Variants in RMND5A observed in about 807,000 individuals in gnomAD.
The protein encoded by RMND5A is required for meiotic nuclear division 5 homolog A, also known as E3 ubiquitin-protein transferase RMND5A.
Under a neutral mutation model 49.7 loss-of-function variants are expected in RMND5A, and 17 were observed. The observed-to-expected ratio is 0.34, with a 90% CI of 0.23 to 0.51. RMND5A has a LOEUF of 0.51. Ranked by LOEUF, RMND5A falls within the 20% of genes least tolerant of loss-of-function variation. RMND5A has a pLI of 0.96. For missense variants in RMND5A, 255 were observed against 471.3 expected (o/e 0.54, Z 4.25); for synonymous variants, 156 against 167.7 (o/e 0.93, Z 0.54).
chr2:86,744,889 CT>C (rs1275597265), intron 2 of RMND5A, among the ~76,000 whole-genome samples: 3 of 152,046 alleles, frequency 2.0e-5, no homozygotes, highest in African/African-American at 7.3e-5. Flanking sequence ...GAGATGTGGT[CT>C]TGCAGTGTTG....
chr2:86,756,205 A>C (rs1681736413), intron 4 of RMND5A, among the ~76,000 whole-genome samples: 1 of 152,018 alleles, frequency 6.6e-6, no homozygotes, highest in Admixed American at 6.6e-5. Context: ...CAGCCTGGGC[A>C]ACATAGCAAA....
At chr2:86,743,201 G>T (rs905878642) in intron 2 of RMND5A, among the ~76,000 whole-genome samples, 1 of 152,092 alleles carries the variant, frequency 6.6e-6, no homozygotes, top group African/African-American at 2.4e-5. Flanking sequence ...ACATTATCTG[G>T]ATGTACTTGG....
intron 2 of RMND5A, among the ~76,000 whole-genome samples, chr2:86,748,667 A>G (rs1278364613): frequency 2.6e-5 from 4 of 152,204 alleles, no homozygotes; most frequent in African/African-American, 9.7e-5. Context: ...TTTAATATGT[A>G]TATTAAGGAA....
chr2:86,725,355 C>A (rs557869105), intron 1 of RMND5A, among the ~76,000 whole-genome samples: 8 of 143,936 alleles, frequency 5.6e-5, no homozygotes, highest in African/African-American at 2.1e-4. Context: ...TGGTTGCCCA[C>A]TTCACAGACA....
chr2:86,760,136 C>G (rs1025734531), intron 4 of RMND5A, among the ~76,000 whole-genome samples: 1 of 152,080 alleles, frequency 6.6e-6, no homozygotes, highest in African/African-American at 2.4e-5. Context: ...CCTCTGCCTC[C>G]CGAGTTCAAG....
chr2:86,763,727 G>A (rs907184801), intron 4 of RMND5A, among the ~76,000 whole-genome samples: 10 of 151,896 alleles, frequency 6.6e-5, no homozygotes, highest in African/African-American at 2.4e-4. Flanking sequence ...AGTGAGCCAC[G>A]ATTACACTAC....
At chr2:86,741,739 T>C (rs1292447023) in intron 2 of RMND5A, among the ~76,000 whole-genome samples, 1 of 151,294 alleles carries the variant, frequency 6.6e-6, no homozygotes, top group African/African-American at 2.4e-5. Flanking sequence ...AGAGAAGTAG[T>C]TCAAGGTTAC....
chr2:86,762,599 C>G (rs1475754962), intron 4 of RMND5A, among the ~76,000 whole-genome samples: 1 of 150,238 alleles, frequency 6.7e-6, no homozygotes, highest in African/African-American at 2.5e-5. Flanking sequence ...GAGCTGAGAT[C>G]TTGCCACTGC....
intron 4 of RMND5A, among the ~76,000 whole-genome samples, chr2:86,764,590 G>A (rs2104407548): frequency 6.6e-6 from 1 of 152,336 alleles, no homozygotes; most frequent in Non-Finnish European, 1.5e-5. Context: ...TAATCACAAA[G>A]TGAACAAAAT....
chr2:86,743,568 G>A (rs748267348), intron 2 of RMND5A, among the ~76,000 whole-genome samples: 1 of 151,896 alleles, frequency 6.6e-6, no homozygotes, highest in African/African-American at 2.4e-5. Flanking sequence ...AGGTTCAAGC[G>A]ATTCTCCTGC....
rs1400728763 is a variant in RMND5A, at chr2:86,776,494, C to G, written c.*3083C>G. ...TTTGTGGGAAATGAGGATCCTGATC[C>G]TCTTTTGTCCTCTCCAGGTAGTCTC... On this transcript the variant is annotated 3_prime_UTR_variant, in exon 9 of 9. Transcript: ENST00000283632. 6.6e-6 allele frequency: 1 copy of G among 152,192 alleles called. No homozygotes were observed. The highest frequency in any genetic ancestry group is 1.5e-5 in the Non-Finnish European group (1 of 68,030). The allele number at this position is 152,192 out of a possible 1,614,324, so 9.4% of individuals were successfully genotyped here.
At chr2:86,732,569 G>GT (rs1681350178) in intron 1 of RMND5A, among the ~76,000 whole-genome samples, 1 of 148,212 alleles carries the variant, frequency 6.7e-6, no homozygotes, top group African/African-American at 2.6e-5. Context: ...TGTAACCAAG[G>GT]TATTAGTAGG....
intron 2 of RMND5A, among the ~76,000 whole-genome samples, chr2:86,741,451 G>C (rs1681447203): frequency 6.6e-6 from 1 of 151,034 alleles, no homozygotes; most frequent in African/African-American, 2.4e-5. Context: ...CTCTGTTATG[G>C]GATGATTAGA....
rs1681256657 is a variant in RMND5A, at chr2:86,723,825, A to C, written c.142+3016A>C. Among the ~76,000 whole-genome samples the C allele has an allele frequency of 5.6e-5, 8 of 142,474 alleles. No individual in the cohort carries two copies. In the South Asian group the frequency reaches 1.9e-3, roughly 33 times the overall value. 93.5% of individuals were successfully genotyped at this position (142,474 alleles called of 152,430 possible). ...AGCACCCTTATTCCAGATTGTAAATACTGCCTGATTGCTGGCTGGGAGATA... is the reference window on the plus strand; with the variant it reads ...AGCACCCTTATTCCAGATTGTAAATCCTGCCTGATTGCTGGCTGGGAGATA... On this transcript the variant is annotated intron_variant, in intron 1 of 8. Coordinates refer to ENST00000283632, the MANE Select transcript of RMND5A (RefSeq NM_022780.4).
intron 6 of RMND5A, among the ~76,000 whole-genome samples, chr2:86,766,331 A>G (rs1200815917): frequency 6.6e-6 from 1 of 152,132 alleles, no homozygotes; most frequent in Non-Finnish European, 1.5e-5. Context: ...GCGGTGGTAC[A>G]AACTCCACGA....
intron 3 of RMND5A, 129 bp downstream of exon 3, chr2:86,752,159 G>C (rs771008771): frequency 1.2e-6 from 1 of 810,622 alleles, no homozygotes; most frequent in Non-Finnish European, 1.8e-6. Flanking sequence ...TAAATTATCA[G>C]AGATGACCTC....
At position 86,771,601 on chromosome 2, in the gene RMND5A, T is replaced by A; in HGVS notation, c.1001T>A (p.Phe334Tyr). Reference sequence around the variant, plus strand: ...AAAAAGTGCTGGTATCACTCTATATTTGCCTGCCCCATTCTTCGTCAGCAA... The same window carrying A: ...AAAAAGTGCTGGTATCACTCTATATATGCCTGCCCCATTCTTCGTCAGCAA... Reference protein sequence around the residue: ...LGKKCWYHSIFACPILRQQTT... With the variant: ...LGKKCWYHSIYACPILRQQTT... The change falls in exon 8 of 9, where the codon TTT (phenylalanine) becomes TAT (tyrosine). Residue 334 changes from phenylalanine to tyrosine, a missense_variant. Physicochemically the swap from Phe to Tyr is conservative, Grantham distance 22 (BLOSUM62 3). Coordinates refer to ENST00000283632, the MANE Select transcript of RMND5A (RefSeq NM_022780.4). The A allele has an allele frequency of 6.2e-7, 1 of 1,613,942 alleles. No individual in the cohort carries two copies. The highest frequency in any genetic ancestry group is 8.5e-7 in the Non-Finnish European group (1 of 1,179,932).
Position 86,729,708 on chromosome 2 carries a change from G to A in RMND5A, c.142+8899G>A, listed in dbSNP as rs1167128580. On this transcript the variant is annotated intron_variant, in intron 1 of 8. Transcript: ENST00000283632. ...AGGGGAGGATGGCAAGAACAAAGGTGTAGAGGAGTGAGAGGTGAAGGACCA... is the reference window on the plus strand; with the variant it reads ...AGGGGAGGATGGCAAGAACAAAGGTATAGAGGAGTGAGAGGTGAAGGACCA... 3.3e-5 allele frequency among the ~76,000 whole-genome samples: 3 copies of A among 91,918 alleles called. 1 individual carries two copies. Among genetic ancestry groups the A allele is most frequent in the African/African-American group, 9.6e-5 (3 of 31,190 alleles). The allele number at this position is 91,918 out of a possible 152,430, so 60.3% of individuals were successfully genotyped here. A position where few individuals can be genotyped will look rare whatever the true frequency, so the allele number is the denominator to read the frequency against.
chr2:86,757,099 G>A (rs1681753640), intron 4 of RMND5A, among the ~76,000 whole-genome samples: 1 of 150,768 alleles, frequency 6.6e-6, no homozygotes. Flanking sequence ...GCTTGAACCC[G>A]GGAGGCGGAG....
Sources: allele counts gnomAD v4.1 joint callset (sites outside exome capture counted in the v4.1 genomes callset), GRCh38; gene constraint gnomAD v4.1.1; transcripts MANE v1.5; gene names NCBI Gene and HGNC (gene_info 2026-07-23, HGNC 2026-07-21).